Variants in TXLNG observed in about 807,000 individuals in gnomAD.
The protein encoded by TXLNG is taxilin gamma, also known as gamma-taxilin.
A neutral mutation model predicts 38.8 loss-of-function variants in TXLNG; 5 were observed. That is an observed-to-expected ratio of 0.13 (90% CI 0.07 to 0.27). The LOEUF (loss-of-function observed/expected upper bound fraction) is 0.27, where lower values mean the gene tolerates loss of function less well. TXLNG is among the 10% of genes least tolerant of loss of function. The pLI is 1.00. For missense variants in TXLNG, 393 were observed against 398.2 expected (o/e 0.99, Z 0.11); for synonymous variants, 182 against 158.2 (o/e 1.15, Z -1.13).
chrX:16,787,584 G>T (rs1927542478), intron 1 of TXLNG, among the ~76,000 whole-genome samples: 1 of 110,451 alleles, frequency 9.1e-6, no homozygotes, highest in Non-Finnish European at 1.9e-5. Context: ...AATTCCACTT[G>T]TTCTGGAGCT....
intron 1 of TXLNG, among the ~76,000 whole-genome samples, chrX:16,792,500 G>A (rs536025428): frequency 1.8e-5 from 2 of 111,343 alleles, no homozygotes; most frequent in East Asian, 5.6e-4. Flanking sequence ...TAAAGTATGG[G>A]CCAGGCATGG....
intron 5 of TXLNG, among the ~76,000 whole-genome samples, 184 bp downstream of exon 5, chrX:16,829,954 A>ACT (rs200099675): frequency 0.032 from 3,605 of 111,592 alleles, 169 homozygotes; most frequent in African/African-American, 0.11. Context: ...CCCAGGAGTC[A>ACT]CTGGGTTTGG....
At chrX:16,801,977 G>A (rs1404069953) in intron 1 of TXLNG, among the ~76,000 whole-genome samples, 26 of 90,525 alleles carry the variant, frequency 2.9e-4, no homozygotes, top group African/African-American at 1.0e-3. Flanking sequence ...TTTTTGAGAC[G>A]GAGTCTTGCT....
At chrX:16,815,804 C>T (rs752955102) in intron 1 of TXLNG, among the ~76,000 whole-genome samples, 2 of 111,079 alleles carry the variant, frequency 1.8e-5, no homozygotes, top group South Asian at 7.6e-4. Flanking sequence ...GGATTACAGG[C>T]GTGAGCCACT....
chrX:16,794,697 G>A (rs1165569504), intron 1 of TXLNG, among the ~76,000 whole-genome samples: 1 of 111,315 alleles, frequency 9.0e-6, no homozygotes, highest in Non-Finnish European at 1.9e-5. Flanking sequence ...GGACAGGGAT[G>A]TTCACTTAGG....
chrX:16,822,108 G>A (rs1928992654), intron 3 of TXLNG, among the ~76,000 whole-genome samples: 1 of 110,360 alleles, frequency 9.1e-6, no homozygotes, highest in African/African-American at 3.3e-5. Flanking sequence ...GGAGGCCGAG[G>A]TGGGTGGATC....
chrX:16,815,771 C>T (rs901852975), intron 1 of TXLNG, among the ~76,000 whole-genome samples: 5 of 105,139 alleles, frequency 4.8e-5, no homozygotes, highest in African/African-American at 1.7e-4. Context: ...CTGCCCGTCT[C>T]GTCTCGGTCT....
chrX:16,798,717 C>G (rs535916389), intron 1 of TXLNG, among the ~76,000 whole-genome samples: 11 of 110,377 alleles, frequency 1.0e-4, no homozygotes, highest in East Asian at 5.7e-4. Flanking sequence ...TCCCAAGTAG[C>G]TGGGACTACA....
intron 1 of TXLNG, 74 bp downstream of exon 1, chrX:16,786,663 T>C: frequency 2.7e-6 from 2 of 752,765 alleles, no homozygotes; most frequent in Non-Finnish European, 3.5e-6. Context: ...GGTCCACCTC[T>C]TCTCTCTCCC....
chrX:16,836,967 G>A (rs1929616979), intron 7 of TXLNG, among the ~76,000 whole-genome samples: 1 of 111,050 alleles, frequency 9.0e-6, no homozygotes, highest in Admixed American at 9.6e-5. Context: ...GCCCTTCCCC[G>A]TATACTTCTC....
intron 1 of TXLNG, among the ~76,000 whole-genome samples, chrX:16,787,503 T>A (rs1927539200): frequency 8.9e-6 from 1 of 111,748 alleles, no homozygotes; most frequent in Non-Finnish European, 1.9e-5. Context: ...CTTGCCTTAC[T>A]TGACTCACGT....
At position 16,786,498 on chromosome X, in the gene TXLNG, G is replaced by C; in HGVS notation, c.11G>C (p.Arg4Pro). 9.0e-7 allele frequency: 1 copy of C among 1,115,346 alleles called. No homozygotes were observed. Among genetic ancestry groups the C allele is most frequent in the South Asian group, 2.1e-5 (1 of 47,906 alleles). The allele number at this position is 1,115,346 out of a possible 1,213,427, so 91.9% of individuals were successfully genotyped here. Residue 4 changes from arginine (R) to proline (P), a missense_variant, in exon 1 of 10, where the codon CGG (arginine) becomes CCG (proline). Physicochemically the swap from Arg to Pro is moderately radical, Grantham distance 103. Coordinates refer to ENST00000380122, the MANE Select transcript of TXLNG (RefSeq NM_018360.3). Reference protein sequence around the residue: MATRVEEAARGRGG... With the variant: MATPVEEAARGRGG... ...TGCTGCCGTCACCTCATGGCGACGC[G>C]GGTAGAGGAGGCAGCGCGGGGAAGA...
chrX:16,810,907 C>T (rs987423964), intron 1 of TXLNG, among the ~76,000 whole-genome samples: 15 of 111,579 alleles, frequency 1.3e-4, no homozygotes, highest in Non-Finnish European at 2.6e-4. Context: ...TCTTGAACTC[C>T]TGACCTCAAG....
At chrX:16,807,833 C>G (rs1239044861) in intron 1 of TXLNG, among the ~76,000 whole-genome samples, 1 of 111,351 alleles carries the variant, frequency 9.0e-6, no homozygotes, top group East Asian at 2.8e-4. Flanking sequence ...TGTGAGCAAG[C>G]AGTAGTTGAA....
At chrX:16,786,985 C>T (rs998359514) in intron 1 of TXLNG, among the ~76,000 whole-genome samples, 1 of 112,661 alleles carries the variant, frequency 8.9e-6, no homozygotes, top group Non-Finnish European at 1.9e-5. Context: ...TGAGCGCCGC[C>T]GTCCGGGGGC....
At chrX:16,832,476 A>G (rs1929446324) in intron 5 of TXLNG, 147 bp from the exon 6 acceptor site, 5 of 771,467 alleles carry the variant, frequency 6.5e-6, no homozygotes, top group South Asian at 2.5e-5. Context: ...CGGAGTATAC[A>G]GGGACAGAGA....
chrX:16,834,188 T>C, intron 6 of TXLNG, 95 bp from the exon 7 acceptor site: 1 of 741,814 alleles, frequency 1.3e-6, no homozygotes, highest in East Asian at 3.4e-5. Context: ...TGGTTCTTGC[T>C]AAAATAGAAG....
At chrX:16,792,617 T>C (rs1277446864) in intron 1 of TXLNG, among the ~76,000 whole-genome samples, 4 of 108,253 alleles carry the variant, frequency 3.7e-5, no homozygotes, top group Admixed American at 3.0e-4. Flanking sequence ...CCCGTCTCTA[T>C]GAAGAATAAA....
rs1929826892 is a variant in TXLNG, at chrX:16,841,573, TCAAAGCGGCGAA to T, written c.1397_1408del (p.Lys466_Asn469del). ...GAGCAGGTATCCATCAAAGCGGCCA[TCAAAGCGGCGAA>T]CAGGGATTTAGCAACACCTGTGATG... is the stretch of plus-strand genomic sequence containing the variant. On this transcript the variant is annotated inframe_deletion, in exon 10 of 10. Coordinates refer to ENST00000380122, the MANE Select transcript of TXLNG (RefSeq NM_018360.3). The T allele has an allele frequency of 3.3e-6, 4 of 1,209,578 alleles. No individual in the cohort carries two copies. The highest frequency in any genetic ancestry group is 4.5e-6 in the Non-Finnish European group (4 of 895,151).
Sources: gnomAD v4.1 joint callset for allele counts (sites outside exome capture counted in the v4.1 genomes callset) on GRCh38, gnomAD v4.1.1 for gene constraint, MANE v1.5 for transcripts, NCBI Gene and HGNC (gene_info 2026-07-23, HGNC 2026-07-21) for gene names.